The following SBNO2 variants were observed in gnomAD, a reference collection of about 807,000 sequenced individuals.
The protein encoded by SBNO2 is protein strawberry notch homolog 2.
SBNO2 carries 89 observed loss-of-function variants against 146.3 expected under a neutral mutation model. That is an observed-to-expected ratio of 0.61 (90% CI 0.51 to 0.73). SBNO2 has a LOEUF of 0.73. Ranked by LOEUF, SBNO2 falls within the 30% of genes least tolerant of loss-of-function variation. The pLI, the probability that SBNO2 is intolerant of heterozygous loss-of-function variation, is 0.00. For synonymous variants in SBNO2, 1,147 were observed against 892.6 expected, an observed-to-expected ratio of 1.29 and a Z score of -5.08; for missense variants, 2,092 against 2,003.7, an observed-to-expected ratio of 1.04 and a Z score of -0.84.
At position 1,136,698 on chromosome 19, in the gene SBNO2, C is replaced by T. The variant is rs1203963885; in HGVS notation, c.280-8933G>A. Among the ~76,000 whole-genome samples, 1 of 152,190 alleles carries T rather than the reference C, an allele frequency of 6.6e-6. No homozygotes were observed. The highest frequency in any genetic ancestry group is 1.5e-5 in the Non-Finnish European group (1 of 68,024). Reference sequence around the variant, plus strand: ...CCAATGCCAGTAACTGTGGGGGCTCCGTGGTGCCGGATGGGCCGAGGCATC... The same window carrying T: ...CCAATGCCAGTAACTGTGGGGGCTCTGTGGTGCCGGATGGGCCGAGGCATC... On this transcript the variant is annotated intron_variant, in intron 4 of 31. Transcript: ENST00000361757. This position sits in a 1 kb window ranked among gnomAD's most constrained non-coding sequence, Gnocchi z 4.2.
intron 11 of SBNO2, among the ~76,000 whole-genome samples, chr19:1,120,428 A>G (rs1199737323): frequency 1.3e-5 from 2 of 152,192 alleles, no homozygotes; most frequent in African/African-American, 4.8e-5. Flanking sequence ...GTGCAGTGAT[A>G]CAATGTCAGC....
In SBNO2 at chr19:1,110,784, T is replaced by A; in HGVS notation, c.2989A>T (p.Met997Leu). Residue 997 changes from methionine (M) to leucine (L), a missense_variant, in exon 26 of 32, where the codon ATG becomes TTG. Physicochemically the swap from Met to Leu is conservative, Grantham distance 15 (BLOSUM62 2). Coordinates refer to ENST00000361757, the MANE Select transcript of SBNO2 (RefSeq NM_014963.3). The surrounding 1 kb of genome is among the most constrained non-coding windows in gnomAD (Gnocchi z 4.9). ...TCGTATTTGCCCTCCCGCTTGTCCA[T>A]CTCGATGAGGTGGTCGAAGGTGTCT... ...FSDTFDHLIEMDKREGKYDMG... is the reference protein window; with the variant it reads ...FSDTFDHLIELDKREGKYDMG... 1 of 1,613,470 alleles carries A rather than the reference T, an allele frequency of 6.2e-7. No homozygotes were observed. Among genetic ancestry groups the A allele is most frequent in the Non-Finnish European group, 8.5e-7 (1 of 1,179,708 alleles).
At chr19:1,152,968 C>A (rs1193099276) in intron 2 of SBNO2, among the ~76,000 whole-genome samples, 1 of 151,932 alleles carries the variant, frequency 6.6e-6, no homozygotes, top group African/African-American at 2.4e-5. Flanking sequence ...GCGTGTCCAA[C>A]GGGGCAAAAC....
chr19:1,132,421 C>G, intron 4 of SBNO2: 2 of 504,892 alleles, frequency 4.0e-6, no homozygotes, highest in Non-Finnish European at 5.1e-6. Flanking sequence ...GCTGTCAACA[C>G]GCAACCCCAC....
intron 24 of SBNO2, 122 bp from the exon 25 acceptor site, chr19:1,111,215 C>T: frequency 9.6e-7 from 1 of 1,045,264 alleles, no homozygotes. Flanking sequence ...CAGCCTAGGG[C>T]CAGGGCCAGG....
chr19:1,127,495 T>C (rs750374139), intron 5 of SBNO2, 109 bp downstream of exon 5: 37 of 1,049,156 alleles, frequency 3.5e-5, no homozygotes, highest in South Asian at 3.2e-4. Context: ...GGCACAGCCA[T>C]TGGCACGCAG....
intron 4 of SBNO2, chr19:1,128,164 T>A (rs1935040253): frequency 2.1e-6 from 1 of 476,908 alleles, no homozygotes; most frequent in Non-Finnish European, 4.2e-6. Context: ...AAACAAGCAA[T>A]GGGTGAGAAA....
chr19:1,113,723 G>A lies in SBNO2; in HGVS notation c.2078-19C>T, dbSNP rs745961636. ...AGGGGTCCTAGGGAGGAGGTGGAGGGTCAGGGCAGGACATGTTGGCTGCCT... is the reference window on the plus strand; with the variant it reads ...AGGGGTCCTAGGGAGGAGGTGGAGGATCAGGGCAGGACATGTTGGCTGCCT... On this transcript the variant is annotated intron_variant, in intron 18 of 31. Transcript: ENST00000361757. The A allele has an allele frequency of 1.5e-5, 23 of 1,500,120 alleles. No homozygotes were observed. Among genetic ancestry groups the A allele is most frequent in the East Asian group, 1.3e-4 (5 of 37,880 alleles). The allele number at this position is 1,500,120 out of a possible 1,614,324, so 92.9% of individuals were successfully genotyped here.
Position 1,126,564 on chromosome 19 carries a change from GCCCACCGTGAGCCA to G in SBNO2, c.441+1026_441+1039del, listed in dbSNP as rs2079967871. Among the ~76,000 whole-genome samples the G allele has an allele frequency of 1.3e-5, 2 of 151,974 alleles. No individual in the cohort carries two copies. The highest frequency in any genetic ancestry group is 4.2e-4 in the South Asian group (2 of 4,794). On this transcript the variant is annotated intron_variant, in intron 5 of 31. Transcript: ENST00000361757. The surrounding 1 kb of genome is among the most constrained non-coding windows in gnomAD (Gnocchi z 4.4). ...GGGGTGCCCTGATGCTTCCTGAGCCGCCCACCGTGAGCCACCCACCGTGGCTGCGGGGTGCCCTG... is the reference window on the plus strand; with the variant it reads ...GGGGTGCCCTGATGCTTCCTGAGCCGCCCACCGTGGCTGCGGGGTGCCCTG...
chr19:1,147,440 GGGGAGGTGAGAT>G lies in SBNO2; in HGVS notation c.168-32_168-21del. ...AACGGGCTGGAGGGAGATGGGGGGG[GGGGAGGTGAGAT>G]GGGGTGCTCAACCCACTCCCTCAGT... On this transcript the variant is annotated intron_variant, in intron 3 of 31. Coordinates refer to ENST00000361757, the MANE Select transcript of SBNO2 (RefSeq NM_014963.3). 8.1e-7 allele frequency: 1 copy of G among 1,241,440 alleles called. No individual in the cohort carries two copies. Among genetic ancestry groups the G allele is most frequent in the Non-Finnish European group, 1.1e-6 (1 of 900,922 alleles). The allele number at this position is 1,241,440 out of a possible 1,614,324, so 76.9% of individuals were successfully genotyped here. A position where few individuals can be genotyped will look rare whatever the true frequency, so the allele number is the denominator to read the frequency against.
intron 4 of SBNO2, chr19:1,132,016 C>T: frequency 3.4e-6 from 4 of 1,191,568 alleles, no homozygotes; most frequent in Non-Finnish European, 4.5e-6. Flanking sequence ...GGGGGCCCGG[C>T]CGTCCTGAAT....
chr19:1,135,164 C>G (rs1401396172), intron 4 of SBNO2, among the ~76,000 whole-genome samples: 1 of 151,662 alleles, frequency 6.6e-6, no homozygotes, highest in Admixed American at 6.6e-5. Flanking sequence ...AAGTTCAAGA[C>G]CAGCCTGGGC....
intron 4 of SBNO2, among the ~76,000 whole-genome samples, chr19:1,141,115 G>C (rs578141403): frequency 1.3e-5 from 2 of 151,270 alleles, no homozygotes; most frequent in African/African-American, 4.9e-5. Context: ...GAGAACACGC[G>C]CCCCGGAGAA....
At chr19:1,164,387 C>CAGGAGGAGG (rs1163081216) in intron 1 of SBNO2, among the ~76,000 whole-genome samples, 5 of 56,098 alleles carry the variant, frequency 8.9e-5, no homozygotes, top group Admixed American at 3.3e-4. Flanking sequence ...GCAGTGGAGA[C>CAGGAGGAGG]AGGAGGAGGA....
At position 1,123,301 on chromosome 19, in the gene SBNO2, G is replaced by A. The variant is rs572435618; in HGVS notation, c.628+233C>T. ...GGCGTGGCCAGCGGCTTGCAGGAGGGGCAAATGCATAAAAATCCTCCCAGT... is the reference window on the plus strand; with the variant it reads ...GGCGTGGCCAGCGGCTTGCAGGAGGAGCAAATGCATAAAAATCCTCCCAGT... On this transcript the variant is annotated intron_variant, in intron 7 of 31. Transcript: ENST00000361757. Among the ~76,000 whole-genome samples the A allele has an allele frequency of 5.9e-5, 9 of 152,150 alleles. No individual in the cohort carries two copies. The South Asian group carries it at 8.3e-4, about 14-fold the overall frequency.
chr19:1,152,151 C>A (rs1043211751), intron 2 of SBNO2, among the ~76,000 whole-genome samples: 7 of 152,188 alleles, frequency 4.6e-5, no homozygotes, highest in Non-Finnish European at 1.0e-4. Flanking sequence ...ACGGGTGCGC[C>A]CCGGCCTGAG....
At chr19:1,172,511 T>C (rs2080487634) in intron 1 of SBNO2, among the ~76,000 whole-genome samples, 1 of 152,102 alleles carries the variant, frequency 6.6e-6, no homozygotes, top group Admixed American at 6.5e-5. Context: ...CTGGGTCCCA[T>C]GTCCCCGCTG....
rs892120301 is a variant in SBNO2, at chr19:1,140,651, G to C, written c.279+6658C>G. The stretch of plus-strand genomic sequence containing the variant: ...CAGGCAGAGAGCGGGGAAGGGGTGG[G>C]GGTCCCACACAGACCCAGCCGTCAG... On this transcript the variant is annotated intron_variant, in intron 4 of 31. Coordinates refer to ENST00000361757, the MANE Select transcript of SBNO2 (RefSeq NM_014963.3). This position sits in a 1 kb window ranked among gnomAD's most constrained non-coding sequence, Gnocchi z 4.4. Among the ~76,000 whole-genome samples the C allele has an allele frequency of 1.3e-5, 2 of 152,148 alleles. No homozygotes were observed. The highest frequency in any genetic ancestry group is 1.5e-5 in the Non-Finnish European group (1 of 67,994).
At position 1,123,604 on chromosome 19, in the gene SBNO2, G is replaced by A. The variant is rs377462476; in HGVS notation, c.558C>T (p.Asp186=). Residue 186 remains aspartate (D), a synonymous_variant, in exon 7 of 32, where the codon GAC becomes GAT. Transcript: ENST00000361757. The stretch of plus-strand genomic sequence containing the variant: ...CCTCCGCCTCCTCCTCCTCAGCCTC[G>A]TCCTCCTCCTCTGGCTGGCTCTGCA... ...QSVQSQPEEE[D]EAEEEEAEEL... 49 of 1,613,146 alleles carry A rather than the reference G, an allele frequency of 3.0e-5. No homozygotes were observed. Among genetic ancestry groups the A allele is most frequent in the African/African-American group, 1.6e-4 (12 of 74,886 alleles).
Sources: gnomAD v4.1 joint callset for allele counts (sites outside exome capture counted in the v4.1 genomes callset) on GRCh38, gnomAD v4.1.1 for gene constraint, Gnocchi (gnomAD v3.1) non-coding constraint, MANE v1.5 for transcripts, NCBI Gene and HGNC (gene_info 2026-07-23, HGNC 2026-07-21) for gene names.